The following SLC5A9 variants were observed in gnomAD, a reference collection of about 807,000 sequenced individuals.
SLC5A9 encodes the protein solute carrier family 5 member 9, also known as sodium/glucose cotransporter 4.
SLC5A9 carries 59 observed loss-of-function variants against 70.9 expected under a neutral mutation model. That is an observed-to-expected ratio of 0.83 (90% CI 0.68 to 1.03). SLC5A9 has a LOEUF of 1.03. Ranked by LOEUF, SLC5A9 falls within the 50% of genes least tolerant of loss-of-function variation. The pLI is 0.00. For missense variants in SLC5A9, 832 were observed against 881.1 expected (o/e 0.94, Z 0.71); for synonymous variants, 340 against 346.5 (o/e 0.98, Z 0.21).
Position 48,233,735 on chromosome 1 carries a change from A to C in SLC5A9, c.1114A>C (p.Lys372Gln). Residue 372 changes from lysine to glutamine, a missense_variant, in exon 9 of 14, where the codon AAG (lysine) becomes CAG (glutamine). By Grantham distance (53) the Lys-to-Gln change is moderately conservative (BLOSUM62 1). Coordinates refer to ENST00000438567, the MANE Select transcript of SLC5A9 (RefSeq NM_001011547.3). ...RVGCSNIAYP[K>Q]LVMALMPVGL... Reference sequence around the variant, plus strand: ...GGGATGTTCCAACATTGCCTACCCTAAGTTGGTCATGGCCCTCATGCCTGT... The same window carrying C: ...GGGATGTTCCAACATTGCCTACCCTCAGTTGGTCATGGCCCTCATGCCTGT... 6.2e-7 allele frequency: 1 copy of C among 1,613,844 alleles called. No individual in the cohort carries two copies. Among genetic ancestry groups the C allele is most frequent in the Non-Finnish European group, 8.5e-7 (1 of 1,179,894 alleles).
rs767955561 is a variant in SLC5A9 at position 48,235,763 on chromosome 1, C to T, written c.1176C>T (p.Ala392=). The T allele has an allele frequency of 7.4e-6, 12 of 1,614,090 alleles. No individual in the cohort carries two copies. The highest frequency in any genetic ancestry group is 1.6e-4 in the Middle Eastern group (1 of 6,084). Residue 392 remains alanine (A), a synonymous_variant, in exon 10 of 14, where the codon GCC becomes GCT. Transcript: ENST00000438567. ...LRGLMIAVIM[A]ALMSSLTSIF... ...GGCTGATGATTGCCGTGATCATGGC[C>T]GCTCTCATGAGCTCACTCACCTCCA...
intron 8 of SLC5A9, 51 bp downstream of exon 8, chr1:48,232,553 G>C: frequency 6.2e-7 from 1 of 1,605,444 alleles, no homozygotes; most frequent in East Asian, 2.2e-5. Flanking sequence ...CTTTCAAGGA[G>C]TGTCTGGAGA....
intron 1 of SLC5A9, among the ~76,000 whole-genome samples, chr1:48,223,859 A>G (rs1225168264): frequency 6.6e-6 from 1 of 152,158 alleles, no homozygotes; most frequent in Admixed American, 6.5e-5. Context: ...GTGACTTTGG[A>G]CAAATTGCTT....
chr1:48,231,653 C>T lies in SLC5A9; in HGVS notation c.691+28C>T, dbSNP rs766983760. ...AAGGAAGAGACCTAAATATACCCCA[C>T]TGTCATTCTTAAATTCCTCTCTGTC... is the stretch of plus-strand genomic sequence containing the variant. On this transcript the variant is annotated intron_variant, in intron 6 of 13. Transcript: ENST00000438567. 3 of 1,612,604 alleles carry T rather than the reference C, an allele frequency of 1.9e-6. No individual in the cohort carries two copies. The Admixed American group carries it at 5.0e-5, about 27-fold the overall frequency.
rs1190631619 is a variant in SLC5A9 at position 48,244,872 on chromosome 1, G to GTATA, written c.1837+2259_1837+2260insATAT. Among the ~76,000 whole-genome samples the GTATA allele has an allele frequency of 3.2e-3, 30 of 9,318 alleles. 3 individuals are homozygous for GTATA. The highest frequency in any genetic ancestry group is 5.5e-3 in the African/African-American group (26 of 4,700). The allele number at this position is 9,318 out of a possible 152,430, so 6.1% of individuals were successfully genotyped here. A position where few individuals can be genotyped will look rare whatever the true frequency, so the allele number is the denominator to read the frequency against. On this transcript the variant is annotated intron_variant, in intron 13 of 13. Coordinates refer to ENST00000438567, the MANE Select transcript of SLC5A9 (RefSeq NM_001011547.3). ...AAAACCTGTGTGTGTGTATGTATGT[G>GTATA]TATGTGTATATATATATATATATAT...
Position 48,237,796 on chromosome 1 carries a change from C to T in SLC5A9, c.1410C>T (p.Pro470=), listed in dbSNP as rs1477048807. Residue 470 remains proline, a synonymous_variant, in exon 11 of 14, where the codon CCC becomes CCT. Transcript: ENST00000438567. Reference sequence around the variant, plus strand: ...CTGTCACCAGTTACCTGGCCCCACCCATCACCGCTCTCTTCCTGCTGGCCA... The same window carrying T: ...CTGTCACCAGTTACCTGGCCCCACCTATCACCGCTCTCTTCCTGCTGGCCA... ...IQAVTSYLAP[P]ITALFLLAIF... 3.7e-6 allele frequency: 6 copies of T among 1,614,008 alleles called. No homozygotes were observed. Among genetic ancestry groups the T allele is most frequent in the Non-Finnish European group, 5.1e-6 (6 of 1,180,038 alleles).
chr1:48,224,600 C>T (rs894968981), intron 1 of SLC5A9, 124 bp from the exon 2 acceptor site: 1 of 905,868 alleles, frequency 1.1e-6, no homozygotes. Context: ...TCTCTTCTGC[C>T]TCAGTTTTCA....
chr1:48,230,668 G>T lies in SLC5A9; in HGVS notation c.573G>T (p.Gly191=). The T allele has an allele frequency of 6.2e-7, 1 of 1,614,022 alleles. No homozygotes were observed. Among genetic ancestry groups the T allele is most frequent in the Non-Finnish European group, 8.5e-7 (1 of 1,179,992 alleles). ...ALGWNLYLST[G]ILLVVTAVYT... Reference sequence around the variant, plus strand: ...GCTGGAACCTGTACCTCTCCACAGGGATCCTGCTGGTGGTGACTGCCGTCT... The same window carrying T: ...GCTGGAACCTGTACCTCTCCACAGGTATCCTGCTGGTGGTGACTGCCGTCT... The change falls in exon 5 of 14, where the codon GGG becomes GGT. Residue 191 remains glycine, a synonymous_variant. Coordinates refer to ENST00000438567, the MANE Select transcript of SLC5A9 (RefSeq NM_001011547.3).
chr1:48,225,468 T>C (rs1644130953), intron 2 of SLC5A9, among the ~76,000 whole-genome samples: 1 of 152,084 alleles, frequency 6.6e-6, no homozygotes, highest in African/African-American at 2.4e-5. Context: ...CACATTTCTA[T>C]TGGTCCTCAA....
chr1:48,238,066 G>C (rs1043850704), intron 11 of SLC5A9, among the ~76,000 whole-genome samples: 26 of 152,296 alleles, frequency 1.7e-4, no homozygotes, highest in Non-Finnish European at 1.5e-4. Context: ...GATTCACATA[G>C]ATGGGCCATC....
chr1:48,244,628 C>T (rs1011263883), intron 13 of SLC5A9, among the ~76,000 whole-genome samples: 5 of 148,502 alleles, frequency 3.4e-5, no homozygotes, highest in African/African-American at 1.2e-4. Flanking sequence ...AGGCTCACTT[C>T]AGAAGACACT....
chr1:48,222,809 A>G lies in SLC5A9; in HGVS notation c.73A>G (p.Ile25Val), dbSNP rs1408831919. The G allele has an allele frequency of 1.9e-6, 3 of 1,614,168 alleles. No homozygotes were observed. The South Asian group carries it at 3.3e-5, about 18-fold the overall frequency. The change falls in exon 1 of 14, where the codon ATA (isoleucine) becomes GTA (valine). Residue 25 changes from isoleucine (I) to valine (V), a missense_variant. Physicochemically the swap from Ile to Val is conservative, Grantham distance 29 (BLOSUM62 3). Coordinates refer to ENST00000438567, the MANE Select transcript of SLC5A9 (RefSeq NM_001011547.3). ...GGTCAGGACTGAGACAGCTCCACAC[A>G]TAGCACTGGACTCCAGAGTTGGTCT... ...DGVRTETAPH[I>V]ALDSRVGLHA...
In SLC5A9 at chr1:48,247,755, C is replaced by G. The variant is rs1007483361; in HGVS notation, c.*212C>G. On this transcript the variant is annotated 3_prime_UTR_variant, in exon 14 of 14. Coordinates refer to ENST00000438567, the MANE Select transcript of SLC5A9 (RefSeq NM_001011547.3). ...AGCACTGGGTTTGTTCAGGACCACCCAGAAGGTGTCACACGGGGTTTCCCC... is the reference window on the plus strand; with the variant it reads ...AGCACTGGGTTTGTTCAGGACCACCGAGAAGGTGTCACACGGGGTTTCCCC... 6.7e-6 allele frequency: 4 copies of G among 593,456 alleles called. No individual in the cohort carries two copies. The highest frequency in any genetic ancestry group is 5.9e-5 in the Admixed American group (2 of 33,818). The allele number at this position is 593,456 out of a possible 1,614,324, so 36.8% of individuals were successfully genotyped here. A position where few individuals can be genotyped will look rare whatever the true frequency, so the allele number is the denominator to read the frequency against.
rs982440027 is a variant in SLC5A9 at position 48,233,653 on chromosome 1, A to G, written c.1034-2A>G. The G allele has an allele frequency of 4.3e-6, 7 of 1,613,514 alleles. No homozygotes were observed. The highest frequency in any genetic ancestry group is 5.9e-6 in the Non-Finnish European group (7 of 1,179,656). On this transcript the variant is annotated splice_acceptor_variant, in intron 8 of 13. Coordinates refer to ENST00000438567, the MANE Select transcript of SLC5A9 (RefSeq NM_001011547.3). LOFTEE classifies it high-confidence loss of function. ...CTCTAACTGCCATTACTTCTTCCAC[A>G]GACGAGGTGGGCTGCGTGGACCCTG... is the stretch of plus-strand genomic sequence containing the variant.
intron 3 of SLC5A9, 22 bp from the exon 4 acceptor site, chr1:48,229,273 C>T: frequency 1.2e-6 from 2 of 1,614,068 alleles, no homozygotes; most frequent in Non-Finnish European, 1.7e-6. Flanking sequence ...TGGATACCTT[C>T]TTCTTCTCCC....
chr1:48,245,922 C>T (rs1359121895), intron 13 of SLC5A9, among the ~76,000 whole-genome samples: 1 of 151,788 alleles, frequency 6.6e-6, no homozygotes, highest in Admixed American at 6.6e-5. Context: ...GAATGTGCCA[C>T]TGTACTCCAG....
intron 2 of SLC5A9, among the ~76,000 whole-genome samples, chr1:48,225,306 A>G (rs1644128309): frequency 6.6e-6 from 1 of 152,122 alleles, no homozygotes. Flanking sequence ...ATCTCAGGGA[A>G]TCGATCCCCA....
At chr1:48,229,122 G>A (rs747042630) in intron 3 of SLC5A9, 168 bp downstream of exon 3, 4 of 1,614,056 alleles carry the variant, frequency 2.5e-6, no homozygotes, top group Admixed American at 1.7e-5. Flanking sequence ...TCAAGGTCTG[G>A]AGGAGACAGA....
chr1:48,241,399 C>T (rs1644388737), intron 12 of SLC5A9, among the ~76,000 whole-genome samples: 1 of 152,146 alleles, frequency 6.6e-6, no homozygotes, highest in Admixed American at 6.5e-5. Flanking sequence ...CTCATGATCC[C>T]AGAGAGATGC....
Sources: allele counts gnomAD v4.1 joint callset (sites outside exome capture counted in the v4.1 genomes callset), GRCh38; gene constraint gnomAD v4.1.1; transcripts MANE v1.5; gene names NCBI Gene and HGNC (gene_info 2026-07-23, HGNC 2026-07-21).